LRRC37B: variants seen among roughly 807,000 people sequenced by gnomAD.
LRRC37B encodes leucine rich repeat containing 37B, also known as leucine-rich repeat-containing protein 37B.
LRRC37B carries 28 observed loss-of-function variants against 98.3 expected under a neutral mutation model. The observed-to-expected ratio is 0.28, with a 90% CI of 0.21 to 0.39. LRRC37B has a LOEUF of 0.39. LRRC37B is among the 10% of genes least tolerant of loss of function. LRRC37B has a pLI of 1.00. For synonymous variants in LRRC37B, 364 were observed against 442.7 expected (o/e 0.82, Z 2.23); for missense variants, 938 against 1,182.7 (o/e 0.79, Z 3.03).
At chr17:32,038,290 C>G (rs1324780809) in intron 7 of LRRC37B, among the ~76,000 whole-genome samples, 2 of 151,978 alleles carry the variant, frequency 1.3e-5, no homozygotes, top group East Asian at 3.9e-4. Flanking sequence ...GAAACCTTGT[C>G]TCTACCAAAA....
At chr17:32,021,309 C>A in exon 1 of LRRC37B, 1 of 1,613,748 alleles carries the variant, frequency 6.2e-7, no homozygotes, top group African/African-American at 1.3e-5. Flanking sequence ...CTCCTCCCAT[C>A]TCCCATGGGA....
upstream of LRRC37B, among the ~76,000 whole-genome samples, chr17:32,019,360 A>C (rs893753612): frequency 1.3e-5 from 2 of 152,226 alleles, no homozygotes; most frequent in Non-Finnish European, 2.9e-5. Context: ...AGCCTAGGCT[A>C]TACCGCATAG....
At chr17:32,025,919 G>T (rs11870761) in intron 2 of LRRC37B, among the ~76,000 whole-genome samples, 19 of 152,304 alleles carry the variant, frequency 1.2e-4, no homozygotes, top group South Asian at 2.1e-4. Context: ...TTTTGTTGAA[G>T]TTATGGATGA....
chr17:32,050,256 A>T (rs1911714643), intron 11 of LRRC37B, 149 bp downstream of exon 14: 1 of 655,546 alleles, frequency 1.5e-6, no homozygotes, highest in Non-Finnish European at 2.9e-6. Flanking sequence ...CTTTTACTGC[A>T]ATGTATATTC....
chr17:32,015,092 T>C (rs368032510), intron 1 of LRRC37B, among the ~76,000 whole-genome samples: 2 of 152,160 alleles, frequency 1.3e-5, no homozygotes, highest in Non-Finnish European at 2.9e-5. Flanking sequence ...ATTGCACCAC[T>C]GCACTCCAGC....
intron 1 of LRRC37B, among the ~76,000 whole-genome samples, chr17:32,015,895 C>T (rs1910639813): frequency 2.0e-5 from 3 of 152,188 alleles, no homozygotes; most frequent in South Asian, 4.1e-4. Flanking sequence ...AGAAGCACAG[C>T]GCCAGGAGGC....
At chr17:32,038,882 T>C (rs1911325649) in intron 7 of LRRC37B, among the ~76,000 whole-genome samples, 1 of 152,050 alleles carries the variant, frequency 6.6e-6, no homozygotes, top group Admixed American at 6.5e-5. Context: ...AGAAAGAAAA[T>C]AAATAAATAA....
chr17:32,034,235 C>T (rs55716498), intron 5 of LRRC37B, among the ~76,000 whole-genome samples: 1 of 152,094 alleles, frequency 6.6e-6, no homozygotes, highest in Non-Finnish European at 1.5e-5. Context: ...GGCGCAGTGT[C>T]TCAGGCCTGT....
At chr17:32,033,298 CAAAAG>C (rs1911158373) in intron 5 of LRRC37B, among the ~76,000 whole-genome samples, 1 of 102,344 alleles carries the variant, frequency 9.8e-6, no homozygotes, top group Non-Finnish European at 1.8e-5. Context: ...AACTTTAACT[CAAAAG>C]AAGGAAGGAA....
intron 10 of LRRC37B, 50 bp from the exon 14 acceptor site, chr17:32,049,953 C>CTT: frequency 8.8e-7 from 1 of 1,139,500 alleles, no homozygotes; most frequent in Non-Finnish European, 1.3e-6. Flanking sequence ...TTCTCTCTCT[C>CTT]TTTTTTTTTA....
At chr17:32,020,952 T>C (rs1598202827), upstream of LRRC37B, 1 of 1,390,016 alleles carries the variant, frequency 7.2e-7, no homozygotes, top group Non-Finnish European at 9.4e-7. Context: ...CCTGGCGGGG[T>C]GGGAAGGGGC....
intron 10 of LRRC37B, 28 bp downstream of exon 13, chr17:32,049,422 C>T: frequency 1.3e-6 from 2 of 1,593,082 alleles, no homozygotes; most frequent in Non-Finnish European, 1.7e-6. Context: ...ACATGAGACC[C>T]AGATTTCCCA....
intron 1 of LRRC37B, 170 bp from the exon 5 acceptor site, chr17:32,024,541 A>T: frequency 8.9e-7 from 1 of 1,123,176 alleles, no homozygotes; most frequent in Non-Finnish European, 1.3e-6. Flanking sequence ...GTGGCCCCGC[A>T]TTATTTCTTG....
At chr17:32,049,693 C>A (rs1372555040) in intron 10 of LRRC37B, among the ~76,000 whole-genome samples, 1 of 152,054 alleles carries the variant, frequency 6.6e-6, no homozygotes, top group Non-Finnish European at 1.5e-5. Flanking sequence ...GTAGTGAAAC[C>A]CCGTCTTCAC....
At chr17:32,018,185 TG>T, upstream of LRRC37B, 1 of 153,210 alleles carries the variant, frequency 6.5e-6, no homozygotes, top group Non-Finnish European at 1.5e-5. Flanking sequence ...CTGACCAACA[TG>T]GGGGAAACGG....
chr17:32,014,484 TCTG>T (rs1280902344), intron 1 of LRRC37B, among the ~76,000 whole-genome samples: 1 of 152,226 alleles, frequency 6.6e-6, no homozygotes, highest in Non-Finnish European at 1.5e-5. Flanking sequence ...TGTCAGAAGT[TCTG>T]CTCTAAAATA....
At chr17:32,021,002 T>C (rs377620182), upstream of LRRC37B, 153 of 1,534,224 alleles carry the variant, frequency 1.0e-4, 1 homozygote, top group East Asian at 1.9e-3. Flanking sequence ...CCTGGTAACA[T>C]GGAACAGATC....
At chr17:32,021,266 C>T (rs1910766324) in exon 1 of LRRC37B, 4 of 1,613,044 alleles carry the variant, frequency 2.5e-6, no homozygotes, top group African/African-American at 1.3e-5. Context: ...TGACCTCTAA[C>T]CCCCTGGGGC....
chr17:32,030,220 A>G (rs1249368103), intron 3 of LRRC37B, among the ~76,000 whole-genome samples: 2 of 152,158 alleles, frequency 1.3e-5, no homozygotes, highest in African/African-American at 4.8e-5. Flanking sequence ...CTTCCTTTCA[A>G]ATGCTGTTGA....
Sources: gnomAD v4.1 joint callset for allele counts (sites outside exome capture counted in the v4.1 genomes callset) on GRCh38, gnomAD v4.1.1 for gene constraint, MANE v1.5 for transcripts, NCBI Gene and HGNC (gene_info 2026-07-23, HGNC 2026-07-21) for gene names.